RAB15: variants seen among roughly 807,000 people sequenced by gnomAD.
RAB15 encodes the protein RAB15, member RAS oncogene family.
In RAB15, 13 loss-of-function variants were observed where a neutral mutation model predicts 31.8. That is an observed-to-expected ratio of 0.41 (90% confidence interval 0.27 to 0.65). The LOEUF is 0.65. RAB15 is among the 30% of genes least tolerant of loss of function. The probability of loss-of-function intolerance (pLI) is 0.32; values close to 1 mark genes in which losing one functional copy is unlikely to be tolerated. For missense variants in RAB15, 220 were observed against 277.3 expected (o/e 0.79, Z 1.47); for synonymous variants, 100 against 105.6 (o/e 0.95, Z 0.33).
rs1204984017 is a variant in RAB15, at chr14:64,955,085, C to T, written c.125-2514G>A. Among the ~76,000 whole-genome samples, 7 of 152,088 alleles carry T rather than the reference C, an allele frequency of 4.6e-5. No homozygotes were observed. The highest frequency in any genetic ancestry group is 7.2e-5 in the African/African-American group (3 of 41,394). On this transcript the variant is annotated intron_variant, in intron 1 of 6. Transcript: ENST00000533601. The surrounding 1 kb of genome is among the most constrained non-coding windows in gnomAD (Gnocchi z 4.4). ...GAATTCCGGGGCTCGCAGCACTCCCCGGCCTCACACACACCCCACCATCTT... is the reference window on the plus strand; with the variant it reads ...GAATTCCGGGGCTCGCAGCACTCCCTGGCCTCACACACACCCCACCATCTT...
rs566361541 is a variant in RAB15 at position 64,961,732 on chromosome 14, G to C, written c.125-9161C>G. ...AAGATCAGTCAGGGCAACATAGTGA[G>C]ACCATGTCTCTGCAAAAAATTTAAA... On this transcript the variant is annotated intron_variant, in intron 1 of 6. Transcript: ENST00000533601. Among the ~76,000 whole-genome samples, 177 of 152,244 alleles carry C rather than the reference G, an allele frequency of 1.2e-3. 2 individuals are homozygous for C. The highest frequency in any genetic ancestry group is 3.9e-3 in the African/African-American group (164 of 41,540).
chr14:64,966,516 C>T (rs1426290315), intron 1 of RAB15, among the ~76,000 whole-genome samples: 2 of 148,558 alleles, frequency 1.3e-5, no homozygotes, highest in East Asian at 2.0e-4. Flanking sequence ...GAGAGATACT[C>T]GGTCTCAAAA....
At chr14:64,966,306 G>C (rs1887134958) in intron 1 of RAB15, among the ~76,000 whole-genome samples, 1 of 152,098 alleles carries the variant, frequency 6.6e-6, no homozygotes, top group Admixed American at 6.5e-5. Flanking sequence ...TGGATACACA[G>C]GATGACCTCC....
Position 64,952,502 on chromosome 14 carries a change from C to T in RAB15, c.185+9G>A. ...TCCTACATCTGCCTCCTCCTCCTCC[C>T]CAGCTCACCAGATCTGTATCCGCAC... On this transcript the variant is annotated intron_variant, in intron 2 of 6. Transcript: ENST00000533601. This position sits in a 1 kb window ranked among gnomAD's most constrained non-coding sequence, Gnocchi z 4.2. The T allele has an allele frequency of 1.2e-6, 2 of 1,608,856 alleles. No individual in the cohort carries two copies. Among genetic ancestry groups the T allele is most frequent in the Non-Finnish European group, 1.7e-6 (2 of 1,175,674 alleles).
Position 64,953,077 on chromosome 14 carries a change from TG to T in RAB15, c.125-507del, listed in dbSNP as rs548845785. On this transcript the variant is annotated intron_variant, in intron 1 of 6. Transcript: ENST00000533601. The surrounding 1 kb of genome is among the most constrained non-coding windows in gnomAD (Gnocchi z 4.6). ...GAGAGAGGAGGGCTCTTCCAACCCA[TG>T]ATTGTACCTGAAGCCTCAGCACCCA... 5.6e-4 allele frequency among the ~76,000 whole-genome samples: 86 copies of T among 152,242 alleles called. No individual in the cohort carries two copies. The highest frequency in any genetic ancestry group is 2.0e-3 in the African/African-American group (84 of 41,554).
intron 1 of RAB15, among the ~76,000 whole-genome samples, chr14:64,965,482 C>T (rs144295672): frequency 1.3e-5 from 2 of 152,198 alleles, no homozygotes; most frequent in African/African-American, 4.8e-5. Flanking sequence ...TAAAATAAAA[C>T]AGGGCTGGTG....
chr14:64,966,799 C>T (rs1238002005), intron 1 of RAB15, among the ~76,000 whole-genome samples: 2 of 152,202 alleles, frequency 1.3e-5, no homozygotes, highest in African/African-American at 2.4e-5. Flanking sequence ...TTGCTTCTCA[C>T]CTTCCCTTCC....
At chr14:64,949,922 A>G (rs895136327) in intron 5 of RAB15, among the ~76,000 whole-genome samples, 2 of 151,620 alleles carry the variant, frequency 1.3e-5, no homozygotes, top group African/African-American at 4.9e-5. Context: ...GAAGGACAGG[A>G]GTGGGGGAGT....
chr14:64,961,596 C>G (rs767177993), intron 1 of RAB15, among the ~76,000 whole-genome samples: 6 of 152,142 alleles, frequency 3.9e-5, no homozygotes, highest in Non-Finnish European at 8.8e-5. Flanking sequence ...CCATCCACTC[C>G]CTCCAGCCTC....
intron 1 of RAB15, among the ~76,000 whole-genome samples, chr14:64,956,167 C>T (rs1289374255): frequency 6.6e-6 from 1 of 152,128 alleles, no homozygotes; most frequent in Non-Finnish European, 1.5e-5. Flanking sequence ...CCTTGGGAGG[C>T]TGAGGTGAGT....
chr14:64,971,984 G>A lies in RAB15; in HGVS notation c.93C>T (p.Asn31=). 6.2e-7 allele frequency: 1 copy of A among 1,600,372 alleles called. No homozygotes were observed. The highest frequency in any genetic ancestry group is 8.5e-7 in the Non-Finnish European group (1 of 1,173,752). The stretch of plus-strand genomic sequence containing the variant: ...TGGAGATGTGCGAGGAGTGGAACTC[G>A]TTGTCGGTGAAGCGGCACAGCAGGC... ...KTCLLCRFTD[N]EFHSSHISTI... Residue 31 remains asparagine (N), a synonymous_variant, in exon 1 of 7, where the codon AAC becomes AAT. Transcript: ENST00000533601. This position sits in a 1 kb window ranked among gnomAD's most constrained non-coding sequence, Gnocchi z 4.1.
At position 64,952,874 on chromosome 14, in the gene RAB15, T is replaced by C. The variant is rs1886337981; in HGVS notation, c.125-303A>G. Among the ~76,000 whole-genome samples the C allele has an allele frequency of 6.6e-6, 1 of 152,246 alleles. No homozygotes were observed. The highest frequency in any genetic ancestry group is 6.5e-5 in the Admixed American group (1 of 15,290). ...TGCCTTACTCGACAGACTTAAAACA[T>C]GTCTCGTTCTAGTCATGTGTGAAGT... On this transcript the variant is annotated intron_variant, in intron 1 of 6. Transcript: ENST00000533601. The surrounding 1 kb of genome is among the most constrained non-coding windows in gnomAD (Gnocchi z 4.2).
At position 64,946,511 on chromosome 14, in the gene RAB15, A is replaced by T. The variant is rs1885929739; in HGVS notation, c.*1843T>A. ...TAGCTGTCTCCTTTTCTCATTAGCC[A>T]GTGATTTACAACTTCCTGCTCTCCT... On this transcript the variant is annotated 3_prime_UTR_variant, in exon 7 of 7. Transcript: ENST00000533601. The T allele has an allele frequency of 6.6e-6, 1 of 152,230 alleles. No homozygotes were observed. The highest frequency in any genetic ancestry group is 1.5e-5 in the Non-Finnish European group (1 of 68,070). 9.4% of individuals were successfully genotyped at this position (152,230 alleles called of 1,614,324 possible). A position where few individuals can be genotyped will look rare whatever the true frequency, so the allele number is the denominator to read the frequency against.
At chr14:64,969,972 AG>A (rs939830886) in intron 1 of RAB15, among the ~76,000 whole-genome samples, 1 of 152,140 alleles carries the variant, frequency 6.6e-6, no homozygotes, top group African/African-American at 2.4e-5. Context: ...CTCAAAAAGG[AG>A]GGTATGTGTC....
At position 64,948,747 on chromosome 14, in the gene RAB15, A is replaced by G; in HGVS notation, c.415-14T>C. ...CTCCTTCGCCAGCTGCAAGAGAAGG[A>G]CATTTCTGAAAGAGAGTCAGTAAGG... On this transcript the variant is annotated splice_polypyrimidine_tract_variant and intron_variant, in intron 5 of 6. Coordinates refer to ENST00000533601, the MANE Select transcript of RAB15 (RefSeq NM_001308154.2). This position sits in a 1 kb window ranked among gnomAD's most constrained non-coding sequence, Gnocchi z 7.0. 1 of 1,610,198 alleles carries G rather than the reference A, an allele frequency of 6.2e-7. No individual in the cohort carries two copies. The highest frequency in any genetic ancestry group is 2.2e-5 in the East Asian group (1 of 44,832).
intron 1 of RAB15, among the ~76,000 whole-genome samples, chr14:64,966,839 A>G (rs918682641): frequency 6.6e-6 from 1 of 152,142 alleles, no homozygotes; most frequent in African/African-American, 2.4e-5. Context: ...CAGAGTAGGT[A>G]GAGACTGGTC....
Position 64,954,102 on chromosome 14 carries a change from C to A in RAB15, c.125-1531G>T. 3 of 985,436 alleles carry A rather than the reference C, an allele frequency of 3.0e-6. No individual in the cohort carries two copies. The highest frequency in any genetic ancestry group is 3.6e-6 in the Non-Finnish European group (3 of 829,926). The allele number at this position is 985,436 out of a possible 1,614,324, so 61.0% of individuals were successfully genotyped here. ...CAAGGGAAAAAAGATGCAGAACGGG[C>A]AACCTGAACTAAATCGATTTGGTCA... On this transcript the variant is annotated intron_variant, in intron 1 of 6. Transcript: ENST00000533601. The surrounding 1 kb of genome is among the most constrained non-coding windows in gnomAD (Gnocchi z 4.3).
Position 64,948,542 on chromosome 14 carries a change from G to A in RAB15, c.481-30C>T. ...AAACCAAAGGGCACAGGTTAGTCCA[G>A]TGTCTCCTCCTCTCCCCTGGCAACC... On this transcript the variant is annotated intron_variant, in intron 6 of 6. Coordinates refer to ENST00000533601, the MANE Select transcript of RAB15 (RefSeq NM_001308154.2). This position sits in a 1 kb window ranked among gnomAD's most constrained non-coding sequence, Gnocchi z 7.0. 6.2e-7 allele frequency: 1 copy of A among 1,600,812 alleles called. No homozygotes were observed. Among genetic ancestry groups the A allele is most frequent in the Non-Finnish European group, 8.5e-7 (1 of 1,172,906 alleles).
chr14:64,963,109 C>CTTTTTTT (rs1165246293), intron 1 of RAB15, among the ~76,000 whole-genome samples: 1 of 96,402 alleles, frequency 1.0e-5, no homozygotes, highest in Non-Finnish European at 1.9e-5. Context: ...CCCTTCCCCA[C>CTTTTTTT]TTTTTTTTTT....
Sources: allele counts gnomAD v4.1 joint callset (sites outside exome capture counted in the v4.1 genomes callset), GRCh38; gene constraint gnomAD v4.1.1; non-coding constraint Gnocchi (gnomAD v3.1); transcripts MANE v1.5; gene names NCBI Gene and HGNC (gene_info 2026-07-23, HGNC 2026-07-21).